Variants in FARS2 observed in about 807,000 individuals in gnomAD.
The protein encoded by FARS2 is phenylalanine--tRNA ligase, mitochondrial.
FARS2 carries 40 observed loss-of-function variants against 46.4 expected under a neutral mutation model. The observed-to-expected ratio is 0.86, with a 90% confidence interval of 0.67 to 1.12. The LOEUF is 1.12. FARS2 is among the 50% of genes most tolerant of loss of function. The probability of loss-of-function intolerance (pLI) is 0.00; values close to 1 mark genes in which losing one functional copy is unlikely to be tolerated. For missense variants in FARS2, 513 were observed against 567.9 expected, an observed-to-expected ratio of 0.90 and a Z score of 0.98; for synonymous variants, 234 against 214.9, an observed-to-expected ratio of 1.09 and a Z score of -0.78.
intron 4 of FARS2, among the ~76,000 whole-genome samples, chr6:5,509,903 C>G (rs1250621845): frequency 1.3e-5 from 2 of 152,182 alleles, no homozygotes; most frequent in Non-Finnish European, 2.9e-5. Context: ...GTTTATTTTC[C>G]TCTTACTCAA....
Position 5,366,630 on chromosome 6 carries a change from A to ATC in FARS2, c.-21-1920_-21-1919insTC, listed in dbSNP as rs1199678745. Among the ~76,000 whole-genome samples, 588 of 152,280 alleles carry ATC rather than the reference A, an allele frequency of 3.9e-3. 4 individuals are homozygous for ATC. The highest frequency in any genetic ancestry group is 0.014 in the African/African-American group (561 of 41,544). On this transcript the variant is annotated intron_variant, in intron 1 of 6. Coordinates refer to ENST00000274680, the MANE Select transcript of FARS2 (RefSeq NM_006567.5). Reference sequence around the variant, plus strand: ...CAAGGAAGGGACACGAGGCTGGGGCACATCCCTGGGAATGGAACCCAAGTG... The same window carrying ATC: ...CAAGGAAGGGACACGAGGCTGGGGCATCCATCCCTGGGAATGGAACCCAAGTG...
chr6:5,467,743 GT>G (rs1765591318), intron 4 of FARS2, among the ~76,000 whole-genome samples: 1 of 152,012 alleles, frequency 6.6e-6, no homozygotes, highest in South Asian at 2.1e-4. Context: ...GGACCTCTGT[GT>G]TTCCTATCAG....
rs1260377234 is a variant in FARS2, at chr6:5,577,939, C to T, written c.1065+32599C>T. Among the ~76,000 whole-genome samples, 5 of 152,184 alleles carry T rather than the reference C, an allele frequency of 3.3e-5. No homozygotes were observed. The East Asian group carries it at 9.7e-4, about 29-fold the overall frequency. On this transcript the variant is annotated intron_variant, in intron 5 of 6. Transcript: ENST00000274680. ...GCCTTAGCCTCCCAAGTAGCTGGGACTACAGGCACTTGCCACCATGCCTGG... is the reference window on the plus strand; with the variant it reads ...GCCTTAGCCTCCCAAGTAGCTGGGATTACAGGCACTTGCCACCATGCCTGG...
intron 3 of FARS2, among the ~76,000 whole-genome samples, chr6:5,409,047 A>G (rs1761781185): frequency 1.3e-5 from 2 of 152,180 alleles, no homozygotes; most frequent in African/African-American, 4.8e-5. Flanking sequence ...CGTAGCTTTC[A>G]AATGCAGATG....
At chr6:5,562,333 C>T (rs976146287) in intron 5 of FARS2, among the ~76,000 whole-genome samples, 2 of 152,062 alleles carry the variant, frequency 1.3e-5, no homozygotes, top group Non-Finnish European at 2.9e-5. Flanking sequence ...GAGTGCTTGC[C>T]TTCTGATTAT....
chr6:5,739,349 T>C (rs1761169346), intron 6 of FARS2, among the ~76,000 whole-genome samples: 1 of 151,234 alleles, frequency 6.6e-6, no homozygotes, highest in South Asian at 2.1e-4. Context: ...AAAAAAATTG[T>C]AATTAAAAAA....
chr6:5,640,948 C>A (rs1776786545), intron 6 of FARS2, among the ~76,000 whole-genome samples: 1 of 152,156 alleles, frequency 6.6e-6, no homozygotes, highest in Admixed American at 6.5e-5. Flanking sequence ...TAATCAACTC[C>A]CCTCTTATTG....
At chr6:5,642,549 C>G (rs1369980282) in intron 6 of FARS2, among the ~76,000 whole-genome samples, 1 of 152,120 alleles carries the variant, frequency 6.6e-6, no homozygotes, top group Non-Finnish European at 1.5e-5. Flanking sequence ...TCAGAGCATG[C>G]CCTGTCTTCC....
At chr6:5,366,841 A>G (rs1758714919) in intron 1 of FARS2, among the ~76,000 whole-genome samples, 2 of 152,200 alleles carry the variant, frequency 1.3e-5, no homozygotes, top group Admixed American at 1.3e-4. Context: ...CTAATAACCT[A>G]ACAGTTTGAT....
intron 6 of FARS2, among the ~76,000 whole-genome samples, chr6:5,641,919 A>G (rs138200614): frequency 5.9e-5 from 9 of 152,288 alleles, no homozygotes; most frequent in South Asian, 2.1e-4. Flanking sequence ...ATGTAGGTCC[A>G]TCGGAAAGCT....
At chr6:5,500,932 C>CTG (rs1767755496) in intron 4 of FARS2, among the ~76,000 whole-genome samples, 2 of 105,318 alleles carry the variant, frequency 1.9e-5, no homozygotes, top group Non-Finnish European at 3.6e-5. Context: ...CTTCAAATCC[C>CTG]CGAGAGAGAG....
At chr6:5,384,924 C>T (rs1266642111) in intron 2 of FARS2, among the ~76,000 whole-genome samples, 3 of 152,250 alleles carry the variant, frequency 2.0e-5, no homozygotes, top group Non-Finnish European at 4.4e-5. Flanking sequence ...ATGAGACAAG[C>T]AGCAGGGAGA....
intron 2 of FARS2, among the ~76,000 whole-genome samples, chr6:5,369,878 G>T (rs1428193800): frequency 7.0e-5 from 9 of 128,812 alleles, no homozygotes; most frequent in African/African-American, 1.8e-4. Context: ...ATCTTTTTTT[G>T]TTGTTTTTTT....
intron 1 of FARS2, among the ~76,000 whole-genome samples, chr6:5,307,614 T>C (rs1460324686): frequency 3.9e-5 from 6 of 152,258 alleles, no homozygotes; most frequent in Non-Finnish European, 7.3e-5. Context: ...TTGGGTAGTA[T>C]TGCTGTTTTA....
At chr6:5,655,096 A>G (rs771730873) in intron 6 of FARS2, among the ~76,000 whole-genome samples, 4 of 152,134 alleles carry the variant, frequency 2.6e-5, no homozygotes, top group Non-Finnish European at 5.9e-5. Context: ...GTTTCAGGGG[A>G]GTCAAAGGTT....
intron 5 of FARS2, among the ~76,000 whole-genome samples, chr6:5,591,792 G>A (rs1773933207): frequency 1.3e-5 from 2 of 152,286 alleles, no homozygotes; most frequent in South Asian, 4.2e-4. Flanking sequence ...CCATAGTACT[G>A]TGTTTGTACT....
chr6:5,628,461 G>C (rs1354198831), intron 6 of FARS2, among the ~76,000 whole-genome samples: 1 of 152,196 alleles, frequency 6.6e-6, no homozygotes, highest in Non-Finnish European at 1.5e-5. Context: ...TCCCGCAAAG[G>C]CATGGTCAGT....
At chr6:5,319,735 T>C (rs1769832574) in intron 1 of FARS2, among the ~76,000 whole-genome samples, 1 of 152,170 alleles carries the variant, frequency 6.6e-6, no homozygotes, top group Non-Finnish European at 1.5e-5. Context: ...ATCGAGTTGC[T>C]GGAGATCTCT....
chr6:5,531,373 A>G (rs1159458845), intron 4 of FARS2, among the ~76,000 whole-genome samples: 2 of 152,208 alleles, frequency 1.3e-5, no homozygotes, highest in Non-Finnish European at 2.9e-5. Context: ...TGCACTGCTC[A>G]TTAGCACGTG....
Sources: gnomAD v4.1 joint callset for allele counts (sites outside exome capture counted in the v4.1 genomes callset) on GRCh38, gnomAD v4.1.1 for gene constraint, MANE v1.5 for transcripts, NCBI Gene and HGNC (gene_info 2026-07-23, HGNC 2026-07-21) for gene names.